The following CDH13 variants were observed in gnomAD, a reference collection of about 807,000 sequenced individuals.
The protein encoded by CDH13 is cadherin-13.
Under a neutral mutation model 63.8 loss-of-function variants are expected in CDH13, and 24 were observed. The observed-to-expected ratio is 0.38, with a 90% CI of 0.27 to 0.53. The LOEUF (loss-of-function observed/expected upper bound fraction) is 0.53, where lower values mean the gene tolerates loss of function less well. Ranked by LOEUF, CDH13 falls within the 20% of genes least tolerant of loss-of-function variation. CDH13 has a pLI of 0.85. For synonymous variants in CDH13, 503 were observed against 355.3 expected (o/e 1.42, Z -4.67); for missense variants, 1,049 against 903.1 (o/e 1.16, Z -2.07).
intron 1 of CDH13, among the ~76,000 whole-genome samples, chr16:82,673,325 G>T (rs1913518469): frequency 6.6e-6 from 1 of 152,016 alleles, no homozygotes; most frequent in Admixed American, 6.6e-5. Context: ...ACTTACTGAG[G>T]TTCACACTCA....
chr16:83,142,873 C>T (rs1318382946), intron 4 of CDH13, among the ~76,000 whole-genome samples: 7 of 152,100 alleles, frequency 4.6e-5, no homozygotes, highest in African/African-American at 9.7e-5. Context: ...GAGGCCGAGG[C>T]GGGCAGATCA....
chr16:83,330,758 C>G (rs1165700789), intron 5 of CDH13, among the ~76,000 whole-genome samples: 1 of 152,166 alleles, frequency 6.6e-6, no homozygotes, highest in Non-Finnish European at 1.5e-5. Flanking sequence ...CAGCCCAAAT[C>G]ACTCCTCATA....
chr16:83,139,721 C>T (rs2036448415), intron 4 of CDH13, among the ~76,000 whole-genome samples: 1 of 151,962 alleles, frequency 6.6e-6, no homozygotes. Flanking sequence ...TAAAAATATC[C>T]GGCCAGGCGC....
At chr16:82,765,812 A>T (rs2035033998) in intron 1 of CDH13, among the ~76,000 whole-genome samples, 3 of 152,154 alleles carry the variant, frequency 2.0e-5, no homozygotes, top group African/African-American at 7.2e-5. Flanking sequence ...GAGCATCTAC[A>T]TAGGACCAGG....
In CDH13 at chr16:83,394,050, C is replaced by G. The variant is rs117251763; in HGVS notation, c.781+49044C>G. Reference sequence around the variant, plus strand: ...AAGTGGGAGCTAAATGATGAGAACACATGGACACAGAAGGCAACAATGAAC... The same window carrying G: ...AAGTGGGAGCTAAATGATGAGAACAGATGGACACAGAAGGCAACAATGAAC... On this transcript the variant is annotated intron_variant, in intron 6 of 13. Coordinates refer to ENST00000567109, the MANE Select transcript of CDH13 (RefSeq NM_001257.5). Among the ~76,000 whole-genome samples the G allele has an allele frequency of 8.2e-4, 125 of 152,186 alleles. 3 individuals carry two copies. The East Asian group carries it at 0.02, about 24-fold the overall frequency.
intron 10 of CDH13, among the ~76,000 whole-genome samples, chr16:83,712,215 G>C (rs1041041527): frequency 6.6e-6 from 1 of 152,144 alleles, no homozygotes; most frequent in Non-Finnish European, 1.5e-5. Context: ...ACCAGAACAG[G>C]CACCACTAAA....
At chr16:83,466,018 T>C (rs2073305408) in intron 6 of CDH13, among the ~76,000 whole-genome samples, 1 of 152,160 alleles carries the variant, frequency 6.6e-6, no homozygotes, top group Non-Finnish European at 1.5e-5. Flanking sequence ...CAGGTGTCAT[T>C]CAACCTACAC....
chr16:83,368,937 T>TATAC (rs1567622155), intron 6 of CDH13, among the ~76,000 whole-genome samples: 117 of 68,644 alleles, frequency 1.7e-3, no homozygotes, highest in Non-Finnish European at 2.6e-3. Flanking sequence ...TATATATATA[T>TATAC]ACTAGGTTTT....
chr16:82,977,126 A>T (rs900731755), intron 2 of CDH13, among the ~76,000 whole-genome samples: 2 of 152,218 alleles, frequency 1.3e-5, no homozygotes, highest in African/African-American at 4.8e-5. Context: ...TTCCACACCA[A>T]TGTGGCTCCT....
At chr16:83,148,054 C>T (rs536507248) in intron 4 of CDH13, among the ~76,000 whole-genome samples, 1 of 152,342 alleles carries the variant, frequency 6.6e-6, no homozygotes, top group Non-Finnish European at 1.5e-5. Flanking sequence ...TCTCCTGCCT[C>T]AGCCTCCTGA....
chr16:83,147,271 C>G (rs4486880), intron 4 of CDH13, among the ~76,000 whole-genome samples: 3,866 of 152,308 alleles, frequency 0.025, 152 homozygotes, highest in African/African-American at 0.087. Flanking sequence ...CATCCACCTT[C>G]TTCCGTCCAC....
chr16:83,428,453 T>C (rs1287437044), intron 6 of CDH13, among the ~76,000 whole-genome samples: 2 of 152,174 alleles, frequency 1.3e-5, no homozygotes, highest in Non-Finnish European at 2.9e-5. Context: ...TTTTTAATTG[T>C]GTTGTCAAGT....
chr16:82,794,549 G>A (rs920289997), intron 1 of CDH13, among the ~76,000 whole-genome samples: 1 of 151,796 alleles, frequency 6.6e-6, no homozygotes, highest in African/African-American at 2.4e-5. Context: ...ATAGTTTCAT[G>A]TTTGACCCAT....
At chr16:83,271,478 T>A in intron 5 of CDH13, among the ~76,000 whole-genome samples, 1 of 59,068 alleles carries the variant, frequency 1.7e-5, no homozygotes, top group African/African-American at 5.8e-5. Context: ...AGAGCCCCAA[T>A]CCTGCATAAT....
intron 6 of CDH13, among the ~76,000 whole-genome samples, chr16:83,355,675 G>T (rs571857991): frequency 6.6e-6 from 1 of 152,288 alleles, no homozygotes; most frequent in South Asian, 2.1e-4. Flanking sequence ...ATGAGGATGG[G>T]GTTGGAGGGG....
chr16:83,452,749 C>T (rs531866776), intron 6 of CDH13, among the ~76,000 whole-genome samples: 9 of 152,164 alleles, frequency 5.9e-5, no homozygotes, highest in African/African-American at 9.6e-5. Context: ...AGAAGTACCT[C>T]GGTGAAAGAA....
At chr16:83,635,929 A>G (rs1598401030) in intron 8 of CDH13, among the ~76,000 whole-genome samples, 4 of 152,060 alleles carry the variant, frequency 2.6e-5, no homozygotes. Flanking sequence ...ACAAATTTTT[A>G]TAGTTGTATT....
chr16:83,646,168 G>A (rs1316491736), intron 8 of CDH13, among the ~76,000 whole-genome samples: 3 of 152,064 alleles, frequency 2.0e-5, no homozygotes, highest in Non-Finnish European at 2.9e-5. Flanking sequence ...ACCAACCGGG[G>A]TCTGAATCCC....
At chr16:82,964,302 AAGATCCCAAAGGGCTTACT>A (rs1907489561) in intron 2 of CDH13, among the ~76,000 whole-genome samples, 1 of 152,218 alleles carries the variant, frequency 6.6e-6, no homozygotes, top group African/African-American at 2.4e-5. Flanking sequence ...TTTATCTTGA[AAGATCCCAAAGGGCTTACT>A]AGACTGAAAA....
Sources: allele counts gnomAD v4.1 joint callset (sites outside exome capture counted in the v4.1 genomes callset), GRCh38; gene constraint gnomAD v4.1.1; transcripts MANE v1.5; gene names NCBI Gene and HGNC (gene_info 2026-07-23, HGNC 2026-07-21).